The following MTMR7 variants were observed in gnomAD, a reference collection of about 807,000 sequenced individuals.
MTMR7 encodes phosphatidylinositol-3-phosphate phosphatase MTMR7.
In MTMR7, 76 loss-of-function variants were observed where a neutral mutation model predicts 81.2. The observed-to-expected ratio is 0.94, with a 90% CI of 0.78 to 1.13. MTMR7 has a LOEUF of 1.13. Among genes scored for constraint, MTMR7 ranks in the 50% most tolerant of loss-of-function variants. MTMR7 has a pLI of 0.00. For synonymous variants in MTMR7, 372 were observed against 289.8 expected (o/e 1.28, Z -2.88); for missense variants, 1,044 against 820.0 (o/e 1.27, Z -3.34).
intron 1 of MTMR7, 46 bp downstream of exon 1, chr8:17,413,223 C>T (rs1254588813): frequency 6.5e-7 from 1 of 1,540,200 alleles, no homozygotes; most frequent in Non-Finnish European, 8.8e-7. Context: ...CCTCCTCCTC[C>T]CCCATCTCCT....
chr8:17,309,558 A>AC (rs1179411970), intron 9 of MTMR7, among the ~76,000 whole-genome samples: 1 of 152,152 alleles, frequency 6.6e-6, no homozygotes, highest in Non-Finnish European at 1.5e-5. Context: ...AAATGCAGGA[A>AC]CCCCACCCGC....
intron 1 of MTMR7, among the ~76,000 whole-genome samples, chr8:17,393,523 T>A (rs1357245725): frequency 6.6e-6 from 1 of 152,124 alleles, no homozygotes; most frequent in Non-Finnish European, 1.5e-5. Flanking sequence ...CAGCTCAACA[T>A]TAAAAAGACA....
chr8:17,309,232 G>C (rs773081691), intron 10 of MTMR7, 45 bp downstream of exon 10: 1 of 1,233,416 alleles, frequency 8.1e-7, no homozygotes, highest in South Asian at 1.3e-5. Flanking sequence ...TTCAGAAACA[G>C]TGCTTTTATT....
chr8:17,390,193 C>T (rs1418784147), intron 1 of MTMR7, among the ~76,000 whole-genome samples: 1 of 151,924 alleles, frequency 6.6e-6, no homozygotes, highest in East Asian at 1.9e-4. Context: ...GTTCTGCAGG[C>T]TGTACAGGAA....
chr8:17,358,622 C>A (rs1391265081), intron 4 of MTMR7, among the ~76,000 whole-genome samples: 1 of 152,090 alleles, frequency 6.6e-6, no homozygotes, highest in East Asian at 1.9e-4. Context: ...TGATGACATA[C>A]GTCTTCAAAA....
At chr8:17,339,870 C>T (rs540050520) in intron 6 of MTMR7, among the ~76,000 whole-genome samples, 7 of 152,176 alleles carry the variant, frequency 4.6e-5, no homozygotes, top group African/African-American at 1.7e-4. Context: ...CTCTAACTTA[C>T]GAAGTGAAAA....
rs1272084794 is a variant in MTMR7, at chr8:17,341,343, A to G, written c.732+20T>C. 2 of 1,613,336 alleles carry G rather than the reference A, an allele frequency of 1.2e-6. No homozygotes were observed. Among genetic ancestry groups the G allele is most frequent in the East Asian group, 2.2e-5 (1 of 44,880 alleles). ...TCACAACTCAGGTGCAAAGACATGCATCGCAACGGTGACACTTACTTTAGG... is the reference window on the plus strand; with the variant it reads ...TCACAACTCAGGTGCAAAGACATGCGTCGCAACGGTGACACTTACTTTAGG... On this transcript the variant is annotated intron_variant, in intron 6 of 13. Coordinates refer to ENST00000180173, the MANE Select transcript of MTMR7 (RefSeq NM_004686.5).
At chr8:17,407,851 G>C (rs1361394449) in intron 1 of MTMR7, among the ~76,000 whole-genome samples, 29 of 152,138 alleles carry the variant, frequency 1.9e-4, no homozygotes, top group Admixed American at 1.8e-3. Flanking sequence ...TAAAAGAAGA[G>C]ATAACCCTTG....
At chr8:17,395,811 T>C (rs1821228918) in intron 1 of MTMR7, among the ~76,000 whole-genome samples, 2 of 152,194 alleles carry the variant, frequency 1.3e-5, no homozygotes, top group African/African-American at 4.8e-5. Context: ...AGTATACAAG[T>C]ATATTTGTTT....
rs112640038 is a variant in MTMR7 at position 17,308,170 on chromosome 8, C to A, written c.1151+1107G>T. Among the ~76,000 whole-genome samples, 755 of 150,874 alleles carry A rather than the reference C, an allele frequency of 5.0e-3. 8 individuals are homozygous for A. Among genetic ancestry groups the A allele is most frequent in the African/African-American group, 0.017 (684 of 41,176 alleles). On this transcript the variant is annotated intron_variant, in intron 10 of 13. Transcript: ENST00000180173. Reference sequence around the variant, plus strand: ...AATTATTTCAAAATAAACTTTACTGCAAATCAAAAAAAAAAGGTTGCCTAA... The same window carrying A: ...AATTATTTCAAAATAAACTTTACTGAAAATCAAAAAAAAAAGGTTGCCTAA...
intron 1 of MTMR7, among the ~76,000 whole-genome samples, chr8:17,383,236 A>G (rs192276530): frequency 9.9e-5 from 15 of 152,264 alleles, no homozygotes; most frequent in Admixed American, 6.5e-4. Context: ...ATCCAGGATG[A>G]ATTTTTCAGA....
intron 12 of MTMR7, among the ~76,000 whole-genome samples, chr8:17,302,708 C>CG (rs1263505401): frequency 5.2e-5 from 3 of 57,266 alleles, no homozygotes; most frequent in African/African-American, 1.3e-4. Context: ...CAATAACCCC[C>CG]CCCCCCCCGC....
At chr8:17,342,785 G>C (rs571359826) in intron 5 of MTMR7, among the ~76,000 whole-genome samples, 6 of 152,236 alleles carry the variant, frequency 3.9e-5, no homozygotes, top group Non-Finnish European at 7.4e-5. Flanking sequence ...CAAGGTGTGG[G>C]CGTGGGAAGC....
intron 1 of MTMR7, among the ~76,000 whole-genome samples, chr8:17,398,618 A>C (rs1821329475): frequency 6.6e-6 from 1 of 152,204 alleles, no homozygotes; most frequent in African/African-American, 2.4e-5. Flanking sequence ...TAGAGAAAGA[A>C]ATGGGAATAT....
intron 6 of MTMR7, among the ~76,000 whole-genome samples, chr8:17,333,329 T>C (rs1819108754): frequency 6.6e-6 from 1 of 152,218 alleles, no homozygotes; most frequent in African/African-American, 2.4e-5. Context: ...TTTTGTAAAA[T>C]TACCTATAGA....
intron 12 of MTMR7, among the ~76,000 whole-genome samples, chr8:17,303,239 C>A (rs937395999): frequency 3.9e-5 from 6 of 152,144 alleles, no homozygotes; most frequent in African/African-American, 1.2e-4. Flanking sequence ...TGCAATCCAA[C>A]TGGTCATATC....
At position 17,300,069 on chromosome 8, in the gene MTMR7, C is replaced by G. The variant is rs755175104; in HGVS notation, c.1776G>C (p.Arg592=). Residue 592 remains arginine, a synonymous_variant, in exon 14 of 14, where the codon CGG becomes CGC. Transcript: ENST00000180173. ...AATCTTCATCGCCTTGTGAAGGGCT[C>G]CGGGATGGAAATGATTTCATATTCC... ...YSGNMKSFPS[R]SPSQGDEDSA... is the part of the protein sequence containing the mutation. The G allele has an allele frequency of 6.2e-6, 10 of 1,613,962 alleles. No homozygotes were observed. In the Admixed American group the frequency reaches 1.3e-4, roughly 22 times the overall value.
At chr8:17,313,149 C>A (rs1207131480) in intron 8 of MTMR7, 143 bp downstream of exon 8, 3 of 507,384 alleles carry the variant, frequency 5.9e-6, no homozygotes, top group Non-Finnish European at 1.1e-5. Flanking sequence ...CTTCAGCGCA[C>A]AGACTACGGA....
At chr8:17,390,055 T>C (rs1821056363) in intron 1 of MTMR7, among the ~76,000 whole-genome samples, 1 of 135,830 alleles carries the variant, frequency 7.4e-6, no homozygotes, top group African/African-American at 2.7e-5. Flanking sequence ...TGGGAAAGCA[T>C]GGAAACAGGG....
Sources: allele counts gnomAD v4.1 joint callset (sites outside exome capture counted in the v4.1 genomes callset), GRCh38; gene constraint gnomAD v4.1.1; transcripts MANE v1.5; gene names NCBI Gene and HGNC (gene_info 2026-07-23, HGNC 2026-07-21).